ITGA2: variants seen among roughly 807,000 people sequenced by gnomAD.
The protein encoded by ITGA2 is integrin subunit alpha 2.
In ITGA2, 101 loss-of-function variants were observed where a neutral mutation model predicts 146.3. The observed-to-expected ratio is 0.69, with a 90% confidence interval of 0.59 to 0.81. The LOEUF (loss-of-function observed/expected upper bound fraction) is 0.81. Among genes scored for constraint, ITGA2 ranks in the 40% least tolerant of loss-of-function variants. ITGA2 has a pLI of 0.00. For synonymous variants in ITGA2, 477 were observed against 487.1 expected (o/e 0.98, Z 0.27); for missense variants, 1,281 against 1,402.7 (o/e 0.91, Z 1.39).
chr5:53,002,862 G>A (rs1286381011), intron 1 of ITGA2, among the ~76,000 whole-genome samples: 3 of 151,982 alleles, frequency 2.0e-5, no homozygotes, highest in Non-Finnish European at 4.4e-5. Flanking sequence ...ATATAAAGTG[G>A]TGCTCCATAT....
intron 1 of ITGA2, among the ~76,000 whole-genome samples, chr5:53,015,817 TTGAACTC>T (rs1742376626): frequency 6.6e-6 from 1 of 152,216 alleles, no homozygotes; most frequent in South Asian, 2.1e-4. Flanking sequence ...TTCTGTTGAA[TTGAACTC>T]TTTACATGAT....
chr5:53,081,830 T>G lies in ITGA2; in HGVS notation c.3144+134T>G, dbSNP rs1745938123. 3.1e-6 allele frequency: 2 copies of G among 648,410 alleles called. 1 individual carries two copies. The highest frequency in any genetic ancestry group is 4.0e-5 in the South Asian group (2 of 50,524). The allele number at this position is 648,410 out of a possible 1,614,324, so 40.2% of individuals were successfully genotyped here. Reference sequence around the variant, plus strand: ...CTTTGATGCTTATATGAGTCAAGATTTAGAAAATATTAGGTTGGTGCAAAA... The same window carrying G: ...CTTTGATGCTTATATGAGTCAAGATGTAGAAAATATTAGGTTGGTGCAAAA... On this transcript the variant is annotated intron_variant, in intron 26 of 29. Transcript: ENST00000296585.
At chr5:53,005,115 C>CT (rs1741772930) in intron 1 of ITGA2, among the ~76,000 whole-genome samples, 1 of 151,544 alleles carries the variant, frequency 6.6e-6, no homozygotes, top group Non-Finnish European at 1.5e-5. Flanking sequence ...AGTTTGAAGT[C>CT]TATTTGCTTA....
Position 53,071,928 on chromosome 5 carries a change from G to A in ITGA2, c.2236-10G>A, listed in dbSNP as rs535512232. 2.1e-5 allele frequency: 34 copies of A among 1,599,792 alleles called. No individual in the cohort carries two copies. Among genetic ancestry groups the A allele is most frequent in the Admixed American group, 6.7e-5 (4 of 59,798 alleles). ...TCTCCCCCTGTATGTTTGTGTGTGT[G>A]TATGTTTAGGAGCCCTCTGATGTTG... On this transcript the variant is annotated splice_polypyrimidine_tract_variant and intron_variant, in intron 17 of 29. Coordinates refer to ENST00000296585, the MANE Select transcript of ITGA2 (RefSeq NM_002203.4).
chr5:53,065,043 A>G lies in ITGA2; in HGVS notation c.1734A>G (p.Leu578=). The change falls in exon 14 of 30, where the codon CTA becomes CTG. Residue 578 remains leucine (L), a synonymous_variant. Coordinates refer to ENST00000296585, the MANE Select transcript of ITGA2 (RefSeq NM_002203.4). ...ATGATGTGATTGTTGGTTCACCACT[A>G]GAAAATCAGAATTCTGGAGCTGTAT... is the stretch of plus-strand genomic sequence containing the variant. ...GFNDVIVGSP[L]ENQNSGAVYI... is the part of the protein sequence containing the mutation. The G allele has an allele frequency of 6.2e-7, 1 of 1,612,874 alleles. No homozygotes were observed. The highest frequency in any genetic ancestry group is 8.5e-7 in the Non-Finnish European group (1 of 1,179,210).
chr5:53,032,505 A>T (rs912525893), intron 2 of ITGA2, among the ~76,000 whole-genome samples: 2 of 152,218 alleles, frequency 1.3e-5, no homozygotes, highest in African/African-American at 4.8e-5. Flanking sequence ...TTAACCTAAG[A>T]TTACAGAGCT....
intron 18 of ITGA2, among the ~76,000 whole-genome samples, 197 bp from the exon 19 acceptor site, chr5:53,072,416 T>A (rs1201961047): frequency 1.3e-5 from 2 of 151,760 alleles, no homozygotes; most frequent in African/African-American, 4.8e-5. Context: ...TTCATCTAGC[T>A]CCCCCTGTGC....
intron 1 of ITGA2, among the ~76,000 whole-genome samples, chr5:53,011,439 A>T (rs544737052): frequency 2.6e-4 from 39 of 152,228 alleles, no homozygotes; most frequent in African/African-American, 9.1e-4. Flanking sequence ...CTGTTGCTGC[A>T]GGTTTCCAAC....
rs1489586116 is a variant in ITGA2 at position 53,062,840 on chromosome 5, A to G, written c.1513A>G (p.Ile505Val). 11 of 1,611,766 alleles carry G rather than the reference A, an allele frequency of 6.8e-6. No homozygotes were observed. The highest frequency in any genetic ancestry group is 2.2e-5 in the East Asian group (1 of 44,774). ...TTCAGTTGATGTGGATAAAGACACCATTACAGACGTGCTCTTGGTAGGTGC... is the reference window on the plus strand; with the variant it reads ...TTCAGTTGATGTGGATAAAGACACCGTTACAGACGTGCTCTTGGTAGGTGC... ...LCSVDVDKDTITDVLLVGAPM... is the reference protein window; with the variant it reads ...LCSVDVDKDTVTDVLLVGAPM... Residue 505 changes from isoleucine to valine, a missense_variant, in exon 13 of 30, where the codon ATT becomes GTT. Physicochemically the swap from Ile to Val is conservative, Grantham distance 29. Transcript: ENST00000296585.
intron 1 of ITGA2, among the ~76,000 whole-genome samples, chr5:53,011,399 A>C (rs780056902): frequency 7.2e-4 from 110 of 152,312 alleles, no homozygotes; most frequent in Non-Finnish European, 1.4e-3. Context: ...TTACAGCAAT[A>C]CAAACAGACT....
At chr5:53,009,431 C>T (rs946803622) in intron 1 of ITGA2, among the ~76,000 whole-genome samples, 2 of 152,106 alleles carry the variant, frequency 1.3e-5, no homozygotes, top group African/African-American at 4.8e-5. Context: ...AAAATGTCCT[C>T]ATTATACAGC....
chr5:53,067,040 G>T (rs1561138928), intron 15 of ITGA2, 78 bp from the exon 16 acceptor site: 10 of 1,435,574 alleles, frequency 7.0e-6, no homozygotes, highest in Non-Finnish European at 9.7e-6. Context: ...TGCTGGTACT[G>T]GGTCCTCTAT....
rs554218428 is a variant in ITGA2, at chr5:53,015,162, G to A, written c.65-11586G>A. On this transcript the variant is annotated intron_variant, in intron 1 of 29. Transcript: ENST00000296585. ...GCTTTGGAGTTGGTTTGTTCTTGTT[G>A]TTCTAGCTCCCATTGGTGTGATATT... 7.8e-4 allele frequency among the ~76,000 whole-genome samples: 119 copies of A among 152,044 alleles called. 1 individual carries two copies. Among genetic ancestry groups the A allele is most frequent in the African/African-American group, 2.6e-3 (110 of 41,528 alleles).
chr5:53,025,690 G>A (rs1742906190), intron 1 of ITGA2, among the ~76,000 whole-genome samples: 1 of 152,196 alleles, frequency 6.6e-6, no homozygotes, highest in Non-Finnish European at 1.5e-5. Flanking sequence ...ATGCTGCCTA[G>A]AAAGTAGGAC....
At chr5:53,072,339 C>T (rs1745434470) in intron 18 of ITGA2, among the ~76,000 whole-genome samples, 1 of 151,730 alleles carries the variant, frequency 6.6e-6, no homozygotes, top group Non-Finnish European at 1.5e-5. Flanking sequence ...ATGCCTTGTG[C>T]TCATACTCAA....
intron 1 of ITGA2, among the ~76,000 whole-genome samples, chr5:52,993,557 C>A (rs955051557): frequency 6.6e-6 from 1 of 152,214 alleles, no homozygotes; most frequent in East Asian, 1.9e-4. Flanking sequence ...TGGCTGTGAG[C>A]GGCTGTGTCA....
intron 6 of ITGA2, among the ~76,000 whole-genome samples, chr5:53,050,305 C>T (rs1744290893): frequency 6.6e-6 from 1 of 152,118 alleles, no homozygotes; most frequent in African/African-American, 2.4e-5. Context: ...TAAGTTCTAA[C>T]CTACCACATT....
chr5:53,003,642 C>T (rs1327925107), intron 1 of ITGA2, among the ~76,000 whole-genome samples: 1 of 152,170 alleles, frequency 6.6e-6, no homozygotes, highest in African/African-American at 2.4e-5. Flanking sequence ...TCAGAAATCA[C>T]ATAACTGCAT....
intron 7 of ITGA2, among the ~76,000 whole-genome samples, chr5:53,054,360 C>T (rs1280918429): frequency 2.0e-5 from 3 of 152,018 alleles, no homozygotes; most frequent in Non-Finnish European, 2.9e-5. Context: ...TTAACTTTCC[C>T]GACTGCCTTC....
Sources: gnomAD v4.1 joint callset for allele counts (sites outside exome capture counted in the v4.1 genomes callset) on GRCh38, gnomAD v4.1.1 for gene constraint, MANE v1.5 for transcripts, NCBI Gene and HGNC (gene_info 2026-07-23, HGNC 2026-07-21) for gene names.